Variants in CSMD3 observed in about 807,000 individuals in gnomAD.
CSMD3 encodes the protein CUB and sushi domain-containing protein 3.
Under a neutral mutation model 435.2 loss-of-function variants are expected in CSMD3, and 177 were observed. The ratio of observed to expected loss-of-function variants is 0.41; its 90% CI spans 0.36 to 0.46. CSMD3 has a LOEUF of 0.46. CSMD3 is among the 20% of genes least tolerant of loss of function. The pLI is 0.34. For missense variants in CSMD3, 4,265 were observed against 4,504.6 expected (o/e 0.95, Z 1.52); for synonymous variants, 1,656 against 1,520.5 (o/e 1.09, Z -2.07).
chr8:113,184,681 T>C (rs1046943962), intron 3 of CSMD3, among the ~76,000 whole-genome samples: 4 of 152,080 alleles, frequency 2.6e-5, no homozygotes, highest in Non-Finnish European at 4.4e-5. Context: ...TAGTCTATCA[T>C]ATTGTATGAA....
chr8:112,244,437 A>G lies in CSMD3; in HGVS notation c.10359T>C (p.Cys3453=), dbSNP rs763180023. The stretch of plus-strand genomic sequence containing the variant: ...TTCCAGTCCAGGTGTTATCGGATCT[A>G]CACACTCTATGTTCTGTTCCACCTG... ...FLAGGTEHRV[C]RSDNTWTGKV... is the part of the protein sequence containing the mutation. The change falls in exon 65 of 71, where the codon TGT becomes TGC. Residue 3453 remains cysteine, a synonymous_variant. Coordinates refer to ENST00000297405, the MANE Select transcript of CSMD3 (RefSeq NM_198123.2). The G allele has an allele frequency of 1.2e-5, 20 of 1,613,906 alleles. No individual in the cohort carries two copies. Among genetic ancestry groups the G allele is most frequent in the Non-Finnish European group, 1.5e-5 (18 of 1,179,838 alleles).
At chr8:112,362,632 A>C (rs1438621628) in intron 38 of CSMD3, among the ~76,000 whole-genome samples, 2 of 152,052 alleles carry the variant, frequency 1.3e-5, no homozygotes, top group East Asian at 1.9e-4. Flanking sequence ...CAGCAACATA[A>C]GCAACCATGC....
chr8:112,485,006 G>T (rs944467009), intron 31 of CSMD3, among the ~76,000 whole-genome samples: 1 of 152,094 alleles, frequency 6.6e-6, no homozygotes, highest in African/African-American at 2.4e-5. Flanking sequence ...ACTCCACATA[G>T]TATGCTCCAG....
At chr8:112,525,638 G>A (rs192221473) in intron 27 of CSMD3, among the ~76,000 whole-genome samples, 1,774 of 148,702 alleles carry the variant, frequency 0.012, 35 homozygotes, top group African/African-American at 0.04. Flanking sequence ...GGAGAATGGC[G>A]TGAACCCAGG....
At chr8:113,029,689 GA>G (rs1274853806) in intron 5 of CSMD3, among the ~76,000 whole-genome samples, 1 of 151,562 alleles carries the variant, frequency 6.6e-6, no homozygotes, top group Admixed American at 6.6e-5. Context: ...GGGAAAAGTT[GA>G]AAGCATTCCC....
In CSMD3 at chr8:113,233,651, T is replaced by C. The variant is rs373903689; in HGVS notation, c.514+44941A>G. On this transcript the variant is annotated intron_variant, in intron 3 of 70. Transcript: ENST00000297405. ...CAGTCAGATAGGACAAAGAAAATCC[T>C]CAATCATAAGCTGTTTATAAGAAAC... Among the ~76,000 whole-genome samples the C allele has an allele frequency of 1.3e-4, 20 of 151,808 alleles. No individual in the cohort carries two copies. In the East Asian group the frequency reaches 3.3e-3, roughly 25 times the overall value.
intron 23 of CSMD3, among the ~76,000 whole-genome samples, chr8:112,581,588 T>C (rs1327298787): frequency 1.3e-5 from 2 of 152,082 alleles, no homozygotes; most frequent in Non-Finnish European, 2.9e-5. Context: ...ACATAGAAAG[T>C]AGCTGAAATT....
chr8:113,153,101 A>AAAAGAAAGAAAG (rs1554791157), intron 4 of CSMD3, among the ~76,000 whole-genome samples: 2 of 99,994 alleles, frequency 2.0e-5, no homozygotes, highest in African/African-American at 9.4e-5. Flanking sequence ...AGAAAGAAAG[A>AAAAGAAAGAAAG]AAAGAAAGAA....
At chr8:113,246,936 A>G (rs2093282071) in intron 3 of CSMD3, among the ~76,000 whole-genome samples, 1 of 152,166 alleles carries the variant, frequency 6.6e-6, no homozygotes, top group Non-Finnish European at 1.5e-5. Flanking sequence ...TACACATGCA[A>G]TGCTCCAGCA....
intron 5 of CSMD3, among the ~76,000 whole-genome samples, chr8:113,045,502 T>A (rs2087791560): frequency 6.7e-6 from 1 of 149,444 alleles, no homozygotes; most frequent in South Asian, 2.1e-4. Flanking sequence ...TTTACTCTAG[T>A]CTATGGTTTC....
intron 53 of CSMD3, among the ~76,000 whole-genome samples, 177 bp from the exon 54 acceptor site, chr8:112,296,183 T>C (rs1390829292): frequency 2.0e-5 from 3 of 152,052 alleles, no homozygotes; most frequent in African/African-American, 4.8e-5. Flanking sequence ...ACAACAAATA[T>C]ATGGAAATTA....
intron 10 of CSMD3, among the ~76,000 whole-genome samples, chr8:112,912,194 T>C (rs546516502): frequency 1.3e-5 from 2 of 151,622 alleles, no homozygotes; most frequent in East Asian, 3.9e-4. Flanking sequence ...ATATCTTGGC[T>C]ACTGTGAATA....
chr8:112,590,177 T>C (rs982972947), intron 22 of CSMD3, among the ~76,000 whole-genome samples: 4 of 152,124 alleles, frequency 2.6e-5, no homozygotes, highest in African/African-American at 7.2e-5. Context: ...TATTATGTAC[T>C]GGGTGGTGAG....
At chr8:113,002,977 C>T (rs1196249347) in intron 6 of CSMD3, among the ~76,000 whole-genome samples, 1 of 152,058 alleles carries the variant, frequency 6.6e-6, no homozygotes, top group African/African-American at 2.4e-5. Flanking sequence ...CGGTGGTTCA[C>T]GTCTGTAATC....
rs539575397 is a variant in CSMD3 at position 112,691,802 on chromosome 8, T to G, written c.1973-1752A>C. Among the ~76,000 whole-genome samples, 10 of 152,194 alleles carry G rather than the reference T, an allele frequency of 6.6e-5. No homozygotes were observed. In the South Asian group the frequency reaches 1.4e-3, roughly 22 times the overall value. ...AAATTGTTTTTTTGTTTGTTTGTTT[T>G]TTTGTTTGTGTTTTGAGACAGAGTC... On this transcript the variant is annotated intron_variant, in intron 13 of 70. Coordinates refer to ENST00000297405, the MANE Select transcript of CSMD3 (RefSeq NM_198123.2).
At chr8:113,094,476 A>G (rs1447573673) in intron 5 of CSMD3, among the ~76,000 whole-genome samples, 1 of 152,112 alleles carries the variant, frequency 6.6e-6, no homozygotes, top group Non-Finnish European at 1.5e-5. Flanking sequence ...TTAATTTTTC[A>G]ATGTCTGGTA....
chr8:112,924,674 G>C (rs2082857020), intron 9 of CSMD3, among the ~76,000 whole-genome samples: 1 of 151,792 alleles, frequency 6.6e-6, no homozygotes, highest in Non-Finnish European at 1.5e-5. Flanking sequence ...AAGATTACCA[G>C]TAATGGTCTC....
chr8:113,381,485 G>A (rs924299293), intron 1 of CSMD3, among the ~76,000 whole-genome samples: 3 of 152,114 alleles, frequency 2.0e-5, no homozygotes, highest in Non-Finnish European at 4.4e-5. Context: ...TTGAGCAAAT[G>A]CAAGGCTCCA....
intron 35 of CSMD3, among the ~76,000 whole-genome samples, chr8:112,396,541 G>T (rs925649952): frequency 6.6e-6 from 1 of 152,156 alleles, no homozygotes; most frequent in African/African-American, 2.4e-5. Flanking sequence ...GTATCACCAT[G>T]TGGTGGAATA....
Sources: allele counts gnomAD v4.1 joint callset (sites outside exome capture counted in the v4.1 genomes callset), GRCh38; gene constraint gnomAD v4.1.1; transcripts MANE v1.5; gene names NCBI Gene and HGNC (gene_info 2026-07-23, HGNC 2026-07-21).